The following SDCCAG8 variants were observed in gnomAD, a reference collection of about 807,000 sequenced individuals.
SDCCAG8 encodes the protein serologically defined colon cancer antigen 8.
Under a neutral mutation model 101.8 loss-of-function variants are expected in SDCCAG8, and 74 were observed. The ratio of observed to expected loss-of-function variants is 0.73; its 90% CI spans 0.60 to 0.88. SDCCAG8 has a LOEUF of 0.88. SDCCAG8 is among the 40% of genes least tolerant of loss of function. The pLI, the probability that SDCCAG8 is intolerant of heterozygous loss-of-function variation, is 0.00. For missense variants in SDCCAG8, 787 were observed against 822.6 expected (o/e 0.96, Z 0.53); for synonymous variants, 281 against 292.9 (o/e 0.96, Z 0.41).
At chr1:243,346,458 A>G (rs2075713047) in intron 12 of SDCCAG8, among the ~76,000 whole-genome samples, 1 of 152,236 alleles carries the variant, frequency 6.6e-6, no homozygotes, top group African/African-American at 2.4e-5. Flanking sequence ...TTCATATTTT[A>G]GTTCATCTGA....
intron 8 of SDCCAG8, among the ~76,000 whole-genome samples, chr1:243,310,220 T>C (rs139908704): frequency 1.3e-5 from 2 of 152,242 alleles, no homozygotes; most frequent in African/African-American, 4.8e-5. Context: ...GTATTTTAAG[T>C]ATTCAATATG....
chr1:243,470,466 T>C (rs556339811), intron 16 of SDCCAG8, among the ~76,000 whole-genome samples: 1 of 152,062 alleles, frequency 6.6e-6, no homozygotes, highest in African/African-American at 2.4e-5. Flanking sequence ...AGAGTAGAAT[T>C]TTTTTTTCCT....
At chr1:243,342,261 T>A (rs1239601944) in intron 11 of SDCCAG8, among the ~76,000 whole-genome samples, 2 of 152,180 alleles carry the variant, frequency 1.3e-5, no homozygotes, top group African/African-American at 4.8e-5. Context: ...TCTGTTGAAA[T>A]CAGTACAGCA....
At chr1:243,466,547 G>C (rs374800049) in intron 16 of SDCCAG8, among the ~76,000 whole-genome samples, 1 of 152,212 alleles carries the variant, frequency 6.6e-6, no homozygotes. Context: ...TATGACAGTC[G>C]TGCTACCTGT....
intron 16 of SDCCAG8, among the ~76,000 whole-genome samples, chr1:243,431,835 G>A (rs912039559): frequency 9.2e-5 from 14 of 152,012 alleles, no homozygotes; most frequent in African/African-American, 2.9e-4. Flanking sequence ...CAGTAATCCC[G>A]GGGGTTTCGT....
At chr1:243,277,443 T>C (rs564799633) in intron 4 of SDCCAG8, among the ~76,000 whole-genome samples, 1 of 152,346 alleles carries the variant, frequency 6.6e-6, no homozygotes. Context: ...ATGTAACATC[T>C]TTGAGTGAGG....
chr1:243,306,387 A>G (rs1481082202), intron 7 of SDCCAG8: 1 of 152,098 alleles, frequency 6.6e-6, no homozygotes, highest in East Asian at 1.9e-4. Context: ...ATTTTGTCTC[A>G]TTCAGAATCC....
intron 10 of SDCCAG8, among the ~76,000 whole-genome samples, chr1:243,340,148 G>A (rs1365365033): frequency 1.3e-5 from 2 of 152,128 alleles, no homozygotes; most frequent in Non-Finnish European, 2.9e-5. Flanking sequence ...CAAATATTTG[G>A]TACCTCTTGA....
At chr1:243,270,495 G>C (rs973652600) in intron 2 of SDCCAG8, among the ~76,000 whole-genome samples, 2 of 152,144 alleles carry the variant, frequency 1.3e-5, no homozygotes, top group Admixed American at 1.3e-4. Context: ...GCTCTAACCT[G>C]CCTCTTCGGC....
At chr1:243,308,228 C>A in intron 8 of SDCCAG8, 51 bp downstream of exon 8, 1 of 1,571,794 alleles carries the variant, frequency 6.4e-7, no homozygotes, top group Non-Finnish European at 8.8e-7. Flanking sequence ...GAAAATTCTG[C>A]CTTTAAAGGG....
At chr1:243,341,505 C>G (rs968993881) in intron 11 of SDCCAG8, among the ~76,000 whole-genome samples, 1 of 152,096 alleles carries the variant, frequency 6.6e-6, no homozygotes, top group Non-Finnish European at 1.5e-5. Flanking sequence ...CCTCATTTTT[C>G]TAAATTAATT....
Position 243,458,330 on chromosome 1 carries a change from C to T in SDCCAG8, c.1986-30684C>T, listed in dbSNP as rs1274744359. 2.6e-5 allele frequency among the ~76,000 whole-genome samples: 4 copies of T among 152,056 alleles called. No homozygotes were observed. The highest frequency in any genetic ancestry group is 9.7e-5 in the African/African-American group (4 of 41,412). On this transcript the variant is annotated intron_variant, in intron 16 of 17. Coordinates refer to ENST00000366541, the MANE Select transcript of SDCCAG8 (RefSeq NM_006642.5). This position sits in a 1 kb window ranked among gnomAD's most constrained non-coding sequence, Gnocchi z 4.5. Reference sequence around the variant, plus strand: ...CAGCACCGAATGTTGTGTTAAGCTTCTTGCTACCATGTAAAAATTTCCTGA... The same window carrying T: ...CAGCACCGAATGTTGTGTTAAGCTTTTTGCTACCATGTAAAAATTTCCTGA...
At chr1:243,315,248 C>A (rs1432812483) in intron 8 of SDCCAG8, among the ~76,000 whole-genome samples, 1 of 152,110 alleles carries the variant, frequency 6.6e-6, no homozygotes, top group African/African-American at 2.4e-5. Context: ...ACCCCTTTTA[C>A]GTTATAGAAC....
intron 1 of SDCCAG8, among the ~76,000 whole-genome samples, chr1:243,269,622 G>A (rs920407220): frequency 7.2e-5 from 11 of 152,030 alleles, no homozygotes; most frequent in African/African-American, 2.7e-4. Flanking sequence ...CTTGGTGGGG[G>A]AGGGATTTCC....
At chr1:243,281,471 GTTCTT>G (rs2069035528) in intron 4 of SDCCAG8, among the ~76,000 whole-genome samples, 1 of 150,582 alleles carries the variant, frequency 6.6e-6, no homozygotes, top group African/African-American at 2.4e-5. Context: ...ATAGTTTATT[GTTCTT>G]TTTTTTAACC....
rs560974066 is a variant in SDCCAG8 at position 243,364,932 on chromosome 1, A to G, written c.1474-13789A>G. ...AGAGATTGACAGAACTAATAAGAGA[A>G]TAAAAGAGCAAAACGAAAAAGTTCT... is the stretch of plus-strand genomic sequence containing the variant. On this transcript the variant is annotated intron_variant, in intron 12 of 17. Transcript: ENST00000366541. Among the ~76,000 whole-genome samples the G allele has an allele frequency of 2.0e-5, 3 of 152,362 alleles. No individual in the cohort carries two copies. The South Asian group carries it at 6.2e-4, about 32-fold the overall frequency.
chr1:243,419,160 A>G (rs557197617), intron 15 of SDCCAG8, among the ~76,000 whole-genome samples: 1 of 152,214 alleles, frequency 6.6e-6, no homozygotes, highest in South Asian at 2.1e-4. Flanking sequence ...CTCCCTGCTC[A>G]CCAGGAAGGC....
chr1:243,320,206 A>G (rs1266589873), intron 9 of SDCCAG8, among the ~76,000 whole-genome samples: 1 of 152,156 alleles, frequency 6.6e-6, no homozygotes, highest in Non-Finnish European at 1.5e-5. Flanking sequence ...TGAGTTTCTA[A>G]CGTTTTCTTG....
chr1:243,270,369 A>C, intron 2 of SDCCAG8, 112 bp downstream of exon 2: 1 of 1,060,200 alleles, frequency 9.4e-7, no homozygotes, highest in Non-Finnish European at 1.4e-6. Flanking sequence ...TATTCCTCAA[A>C]CACAAATCAG....
Sources: allele counts gnomAD v4.1 joint callset (sites outside exome capture counted in the v4.1 genomes callset), GRCh38; gene constraint gnomAD v4.1.1; non-coding constraint Gnocchi (gnomAD v3.1); transcripts MANE v1.5; gene names NCBI Gene and HGNC (gene_info 2026-07-23, HGNC 2026-07-21).